The following ZNF626 variants were observed in gnomAD, a reference collection of about 807,000 sequenced individuals.
The protein encoded by ZNF626 is zinc finger protein 626.
Under a neutral mutation model 11.7 loss-of-function variants are expected in ZNF626, and 4 were observed. That is an observed-to-expected ratio of 0.34 (90% CI 0.17 to 0.78). The LOEUF is 0.78. Among genes scored for constraint, ZNF626 ranks in the 30% least tolerant of loss-of-function variants. The pLI is 0.57. For missense variants in ZNF626, 588 were observed against 587.1 expected (o/e 1.00, Z -0.01); for synonymous variants, 179 against 198.6 (o/e 0.90, Z 0.83).
chr19:20,645,247 A>G, intron 3 of ZNF626: 1 of 1,411,206 alleles, frequency 7.1e-7, no homozygotes, highest in Non-Finnish European at 9.2e-7. Flanking sequence ...CAGAAAAATG[A>G]ACAAAAAAAA....
intron 3 of ZNF626, among the ~76,000 whole-genome samples, chr19:20,644,170 C>G (rs10425311): frequency 2.0e-5 from 3 of 151,924 alleles, no homozygotes; most frequent in Admixed American, 6.6e-5. Flanking sequence ...ACTCAGTTTC[C>G]GTTACACGAG....
intron 3 of ZNF626, among the ~76,000 whole-genome samples, chr19:20,638,653 G>A (rs1207963332): frequency 2.0e-5 from 3 of 151,980 alleles, no homozygotes; most frequent in Non-Finnish European, 2.9e-5. Flanking sequence ...TTTAAGTCAT[G>A]TACTACTATG....
In ZNF626 at chr19:20,624,103, G is replaced by T. The variant is rs1555769089; in HGVS notation, c.*187C>A. ...TTTACCACATTATTCACATCTGTAG[G>T]GTTTCTCTCCAGTATGAAATCTCTT... On this transcript the variant is annotated 3_prime_UTR_variant, in exon 4 of 4. Coordinates refer to ENST00000601440, the MANE Select transcript of ZNF626 (RefSeq NM_001076675.3). 2 of 975,482 alleles carry T rather than the reference G, an allele frequency of 2.1e-6. No individual in the cohort carries two copies. The highest frequency in any genetic ancestry group is 1.3e-5 in the South Asian group (1 of 77,250). The allele number at this position is 975,482 out of a possible 1,614,324, so 60.4% of individuals were successfully genotyped here.
At chr19:20,628,730 G>A (rs1162866445) in intron 3 of ZNF626, among the ~76,000 whole-genome samples, 2 of 152,128 alleles carry the variant, frequency 1.3e-5, no homozygotes, top group Admixed American at 6.5e-5. Flanking sequence ...CATTCTGTAG[G>A]TTGCCTGTTC....
intron 1 of ZNF626, among the ~76,000 whole-genome samples, chr19:20,660,957 T>C (rs1353957401): frequency 1.3e-5 from 2 of 151,776 alleles, no homozygotes; most frequent in African/African-American, 4.8e-5. Context: ...AACTTAGTTG[T>C]CCTAACACCT....
intron 3 of ZNF626, among the ~76,000 whole-genome samples, chr19:20,641,774 C>G (rs1342125149): frequency 6.6e-6 from 1 of 151,832 alleles, no homozygotes; most frequent in African/African-American, 2.4e-5. Flanking sequence ...AGGCTGGTCT[C>G]AAACTTCTGG....
At chr19:20,641,395 G>A (rs782570889) in intron 3 of ZNF626, among the ~76,000 whole-genome samples, 12 of 152,006 alleles carry the variant, frequency 7.9e-5, no homozygotes, top group African/African-American at 2.4e-4. Context: ...GATACTGTAC[G>A]ATTCCACTTA....
At chr19:20,651,420 C>T (rs980361502) in intron 1 of ZNF626, among the ~76,000 whole-genome samples, 21 of 151,494 alleles carry the variant, frequency 1.4e-4, no homozygotes, top group Non-Finnish European at 1.0e-4. Context: ...TTTATTTTAA[C>T]GGTCATATGA....
At chr19:20,645,259 T>C in intron 3 of ZNF626, 2 of 1,422,550 alleles carry the variant, frequency 1.4e-6, no homozygotes, top group Non-Finnish European at 1.8e-6. Flanking sequence ...CAAAAAAAAA[T>C]TCAACAGAAA....
At chr19:20,641,837 G>C (rs1970027625) in intron 3 of ZNF626, among the ~76,000 whole-genome samples, 1 of 151,376 alleles carries the variant, frequency 6.6e-6, no homozygotes, top group Non-Finnish European at 1.5e-5. Flanking sequence ...TTACAGAAGA[G>C]AGCCACAACC....
intron 1 of ZNF626, among the ~76,000 whole-genome samples, 167 bp from the exon 2 acceptor site, chr19:20,646,572 C>CT (rs1568460358): frequency 6.6e-6 from 1 of 152,158 alleles, no homozygotes; most frequent in Non-Finnish European, 1.5e-5. Flanking sequence ...AATGTATTCT[C>CT]TAACTCTGAG....
At chr19:20,650,760 T>C (rs1057390013) in intron 1 of ZNF626, among the ~76,000 whole-genome samples, 2 of 152,214 alleles carry the variant, frequency 1.3e-5, no homozygotes, top group Non-Finnish European at 2.9e-5. Context: ...CCAGAGTCTG[T>C]GTAATTTTAA....
In ZNF626 at chr19:20,624,079, T is replaced by C. The variant is rs1240530432; in HGVS notation, c.*211A>G. On this transcript the variant is annotated 3_prime_UTR_variant, in exon 4 of 4. Coordinates refer to ENST00000601440, the MANE Select transcript of ZNF626 (RefSeq NM_001076675.3). ...AAGGTGTGAGGATAGGTGAAAAGCT[T>C]TACCACATTATTCACATCTGTAGGG... 1.2e-5 allele frequency: 10 copies of C among 864,488 alleles called. No individual in the cohort carries two copies. Among genetic ancestry groups the C allele is most frequent in the Non-Finnish European group, 2.0e-5 (10 of 510,732 alleles). 53.6% of individuals were successfully genotyped at this position (864,488 alleles called of 1,614,324 possible). A position where few individuals can be genotyped will look rare whatever the true frequency, so the allele number is the denominator to read the frequency against.
At chr19:20,626,902 C>G (rs1489592124) in intron 3 of ZNF626, among the ~76,000 whole-genome samples, 4 of 152,054 alleles carry the variant, frequency 2.6e-5, no homozygotes, top group African/African-American at 9.7e-5. Context: ...GTAACCCCAG[C>G]TACTTGGGAG....
chr19:20,657,732 G>C (rs1194842451), intron 1 of ZNF626, among the ~76,000 whole-genome samples: 1 of 151,712 alleles, frequency 6.6e-6, no homozygotes, highest in African/African-American at 2.4e-5. Context: ...TTGAATCCAG[G>C]AGGCGAAGGT....
intron 3 of ZNF626, among the ~76,000 whole-genome samples, chr19:20,634,036 AT>A (rs1969939522): frequency 6.6e-6 from 1 of 152,252 alleles, no homozygotes; most frequent in Admixed American, 6.5e-5. Context: ...TATAAAGTGT[AT>A]TTAAGTCAAA....
At chr19:20,661,396 T>C (rs1555773680) in intron 1 of ZNF626, 48 bp downstream of exon 1, 3 of 1,613,204 alleles carry the variant, frequency 1.9e-6, no homozygotes, top group Non-Finnish European at 2.5e-6. Context: ...TTTCACCGGT[T>C]CCAACCAGTC....
intron 2 of ZNF626, among the ~76,000 whole-genome samples, 193 bp from the exon 3 acceptor site, chr19:20,645,972 T>G (rs2288535): frequency 0.33 from 49,525 of 151,832 alleles, 9,547 homozygotes; most frequent in African/African-American, 0.53. Context: ...TACCTGGTGC[T>G]ACTGAATCAA....
chr19:20,646,835 GTC>G (rs1970084736), intron 1 of ZNF626, among the ~76,000 whole-genome samples: 1 of 149,710 alleles, frequency 6.7e-6, no homozygotes, highest in South Asian at 2.1e-4. Context: ...CTGGAATAAA[GTC>G]TGATTTATTT....
Sources: allele counts gnomAD v4.1 joint callset (sites outside exome capture counted in the v4.1 genomes callset), GRCh38; gene constraint gnomAD v4.1.1; transcripts MANE v1.5; gene names NCBI Gene and HGNC (gene_info 2026-07-23, HGNC 2026-07-21).